The following ABTB3 variants were observed in gnomAD, a reference collection of about 807,000 sequenced individuals.
ABTB3 encodes ankyrin repeat- and BTB/POZ domain-containing protein 3.
the ABTB3 span, chr12:107,318,679 T>C: frequency 2.2e-6 from 1 of 457,694 alleles, no homozygotes; most frequent in Non-Finnish European, 3.9e-6. Context: ...CGGCGGGAGC[T>C]TCCTTCCCGG....
chr12:107,420,224 A>G, the ABTB3 span, among the ~76,000 whole-genome samples: 1 of 152,136 alleles, frequency 6.6e-6, no homozygotes, highest in Non-Finnish European at 1.5e-5. Flanking sequence ...TTTCTGATCC[A>G]CTTGAGAGTT....
chr12:107,394,466 T>C, the ABTB3 span, among the ~76,000 whole-genome samples: 1 of 152,224 alleles, frequency 6.6e-6, no homozygotes, highest in Admixed American at 6.5e-5. Flanking sequence ...ATGGCATCCC[T>C]GCTTTAAGAC....
At chr12:107,543,987 C>T in the ABTB3 span, 11 of 1,614,006 alleles carry the variant, frequency 6.8e-6, no homozygotes, top group Middle Eastern at 6.6e-4. Flanking sequence ...ATGCCAAGCA[C>T]CACGGCAATG....
chr12:107,653,594 C>A, the ABTB3 span, among the ~76,000 whole-genome samples: 2 of 151,960 alleles, frequency 1.3e-5, no homozygotes, highest in Admixed American at 6.5e-5. Context: ...AGACAGCATT[C>A]AGTGAGCCCT....
chr12:107,319,206 G>A, the ABTB3 span: 1 of 1,588,678 alleles, frequency 6.3e-7, no homozygotes, highest in Admixed American at 1.7e-5. Flanking sequence ...CACTGCTCGC[G>A]GCTGCTGCCG....
the ABTB3 span, among the ~76,000 whole-genome samples, chr12:107,582,159 C>G: frequency 6.6e-6 from 1 of 152,170 alleles, no homozygotes; most frequent in Admixed American, 6.5e-5. Flanking sequence ...AGCAGCCCCC[C>G]GAAGGCCCAG....
the ABTB3 span, among the ~76,000 whole-genome samples, chr12:107,496,178 G>A: frequency 4.6e-5 from 7 of 152,190 alleles, no homozygotes; most frequent in East Asian, 1.9e-4. Context: ...TGAATGCAGC[G>A]GTCAAGGTTT....
chr12:107,448,828 C>A, the ABTB3 span, among the ~76,000 whole-genome samples: 1 of 152,156 alleles, frequency 6.6e-6, no homozygotes, highest in African/African-American at 2.4e-5. Flanking sequence ...GCCTCGTCCT[C>A]CCAAAGTGCT....
At chr12:107,366,769 A>G in the ABTB3 span, among the ~76,000 whole-genome samples, 8 of 152,208 alleles carry the variant, frequency 5.3e-5, no homozygotes, top group Non-Finnish European at 1.2e-4. Flanking sequence ...CAGAAAATAT[A>G]TATTTTTTAA....
At chr12:107,609,348 T>C in the ABTB3 span, among the ~76,000 whole-genome samples, 2 of 152,198 alleles carry the variant, frequency 1.3e-5, no homozygotes, top group Non-Finnish European at 2.9e-5. Context: ...GAGAAGGAAG[T>C]AACATCCTTT....
chr12:107,422,616 G>A, the ABTB3 span, among the ~76,000 whole-genome samples: 1 of 152,234 alleles, frequency 6.6e-6, no homozygotes, highest in Non-Finnish European at 1.5e-5. Context: ...GAGGTGATGA[G>A]AAGTTGGCAA....
chr12:107,319,066 C>T, the ABTB3 span: 1 of 1,613,386 alleles, frequency 6.2e-7, no homozygotes. Context: ...CCGACTCGCA[C>T]CCGGCGTCCC....
chr12:107,619,521 G>A, the ABTB3 span, among the ~76,000 whole-genome samples: 11 of 152,156 alleles, frequency 7.2e-5, no homozygotes, highest in Non-Finnish European at 1.6e-4. Context: ...ATCTGGGCAC[G>A]GATGTGTTCC....
chr12:107,338,655 G>A, the ABTB3 span, among the ~76,000 whole-genome samples: 1 of 152,086 alleles, frequency 6.6e-6, no homozygotes, highest in East Asian at 1.9e-4. Flanking sequence ...TATGTTGGGG[G>A]ACATAATCCC....
At chr12:107,446,849 C>A in the ABTB3 span, among the ~76,000 whole-genome samples, 18 of 152,314 alleles carry the variant, frequency 1.2e-4, no homozygotes, top group Admixed American at 5.2e-4. Context: ...CTCTGAGCTT[C>A]AGTTTTCTCA....
the ABTB3 span, among the ~76,000 whole-genome samples, chr12:107,398,259 C>A: frequency 6.6e-6 from 1 of 152,124 alleles, no homozygotes; most frequent in East Asian, 1.9e-4. Flanking sequence ...ACGTGAGGCC[C>A]ACGTTTGTTT....
chr12:107,341,469 T>C, the ABTB3 span, among the ~76,000 whole-genome samples: 5 of 152,166 alleles, frequency 3.3e-5, no homozygotes, highest in Admixed American at 3.3e-4. Flanking sequence ...CAGGGTTCCA[T>C]GGGCCTCAGT....
chr12:107,365,212 A>G, the ABTB3 span, among the ~76,000 whole-genome samples: 1 of 152,214 alleles, frequency 6.6e-6, no homozygotes, highest in Admixed American at 6.5e-5. Flanking sequence ...TAAATAAGAT[A>G]ATAGATATAA....
chr12:107,586,040 A>G, the ABTB3 span, among the ~76,000 whole-genome samples: 3 of 152,334 alleles, frequency 2.0e-5, no homozygotes, highest in Admixed American at 1.3e-4. Flanking sequence ...ATTATTTCAT[A>G]GAGCATGAGT....
Sources: gnomAD v4.1 joint callset for allele counts (sites outside exome capture counted in the v4.1 genomes callset) on GRCh38, gnomAD v4.1.1 for gene constraint, MANE v1.5 for transcripts, NCBI Gene and HGNC (gene_info 2026-07-23, HGNC 2026-07-21) for gene names.